Variants in AGO3 observed in about 807,000 individuals in gnomAD.
AGO3 encodes the protein protein argonaute-3.
Under a neutral mutation model 105.5 loss-of-function variants are expected in AGO3, and 16 were observed. That is an observed-to-expected ratio of 0.15 (90% CI 0.10 to 0.23). The LOEUF (loss-of-function observed/expected upper bound fraction) is 0.23. Among genes scored for constraint, AGO3 ranks in the 10% least tolerant of loss-of-function variants. The probability of loss-of-function intolerance (pLI) is 1.00; values close to 1 mark genes in which losing one functional copy is unlikely to be tolerated. For synonymous variants in AGO3, 340 were observed against 367.3 expected (o/e 0.93, Z 0.85); for missense variants, 534 against 1,088.0 (o/e 0.49, Z 7.16).
At chr1:36,005,393 G>A (rs886391806) in intron 6 of AGO3, among the ~76,000 whole-genome samples, 3 of 152,110 alleles carry the variant, frequency 2.0e-5, no homozygotes, top group African/African-American at 7.2e-5. Flanking sequence ...CCAAGAGAGA[G>A]ATAGTCATTG....
At position 36,070,191 on chromosome 1, in the gene AGO3, G is replaced by A. The variant is rs969725342; in HGVS notation, c.*14446G>A. ...GATGGTTATTCCCTGTTTCTTGGCC[G>A]ATTTTTGGTACCTTTCTTTGAAGAA... is the stretch of plus-strand genomic sequence containing the variant. On this transcript the variant is annotated 3_prime_UTR_variant, in exon 19 of 19. Transcript: ENST00000373191. The A allele has an allele frequency of 2.6e-5, 4 of 152,152 alleles. No homozygotes were observed. Among genetic ancestry groups the A allele is most frequent in the Non-Finnish European group, 5.9e-5 (4 of 68,036 alleles). 9.4% of individuals were successfully genotyped at this position (152,152 alleles called of 1,614,324 possible).
intron 6 of AGO3, among the ~76,000 whole-genome samples, chr1:36,004,896 T>C (rs1640267381): frequency 3.3e-5 from 5 of 152,130 alleles, no homozygotes; most frequent in African/African-American, 9.6e-5. Context: ...TTTAGTCCTT[T>C]AAAAACGTAT....
intron 11 of AGO3, among the ~76,000 whole-genome samples, chr1:36,018,056 C>T (rs1190702818): frequency 6.6e-6 from 1 of 151,394 alleles, no homozygotes; most frequent in East Asian, 2.0e-4. Flanking sequence ...TCTCGGCTCA[C>T]TGCAGCCTCT....
In AGO3 at chr1:36,029,190, GTTA is replaced by G. The variant is rs369188345; in HGVS notation, c.1591+1900_1591+1902del. ...ATATAGTAAACAGTCAATGTTAACTGTTATTATTATAAACAAAATTTTGTGAGA... is the reference window on the plus strand; with the variant it reads ...ATATAGTAAACAGTCAATGTTAACTGTTATTATAAACAAAATTTTGTGAGA... On this transcript the variant is annotated intron_variant, in intron 12 of 18. Transcript: ENST00000373191. Among the ~76,000 whole-genome samples the G allele has an allele frequency of 8.4e-4, 128 of 152,148 alleles. 3 individuals are homozygous for G. The South Asian group carries it at 0.024, about 29-fold the overall frequency.
At chr1:36,054,037 A>G (rs181900295) in intron 17 of AGO3, among the ~76,000 whole-genome samples, 19 of 151,910 alleles carry the variant, frequency 1.3e-4, no homozygotes, top group African/African-American at 4.6e-4. Flanking sequence ...AGGTCTTCCT[A>G]TGTTGCCTAG....
At position 36,008,571 on chromosome 1, in the gene AGO3, G is replaced by A; in HGVS notation, c.794-119G>A. The A allele has an allele frequency of 3.5e-6, 3 of 848,188 alleles. No homozygotes were observed. Among genetic ancestry groups the A allele is most frequent in the Non-Finnish European group, 5.5e-6 (3 of 544,748 alleles). The allele number at this position is 848,188 out of a possible 1,614,324, so 52.5% of individuals were successfully genotyped here. On this transcript the variant is annotated intron_variant, in intron 6 of 18. Transcript: ENST00000373191. The surrounding 1 kb of genome is among the most constrained non-coding windows in gnomAD (Gnocchi z 5.1). ...ATCTGGTGTTTATATCATCTTGCCT[G>A]TATCACAGAATTTTTTGTCTGTTCA...
In AGO3 at chr1:35,966,945, C is replaced by G. The variant is rs1557655811; in HGVS notation, c.192-10C>G. 6.3e-7 allele frequency: 1 copy of G among 1,597,362 alleles called. No homozygotes were observed. The highest frequency in any genetic ancestry group is 2.2e-5 in the East Asian group (1 of 44,590). On this transcript the variant is annotated splice_polypyrimidine_tract_variant and intron_variant, in intron 2 of 18. Transcript: ENST00000373191. ...GAGGATTATGTGAATATATTGTTTC[C>G]CTTCTTTAGGGAGGTGGTTGACTCA... is the stretch of plus-strand genomic sequence containing the variant.
rs71640848 is a variant in AGO3, at chr1:36,028,595, G to A, written c.1591+1297G>A. ...TGAACTCATCATTTTTTATGGCTGC[G>A]TAGTATTCCATGGTGTATATGTGCC... On this transcript the variant is annotated intron_variant, in intron 12 of 18. Transcript: ENST00000373191. Among the ~76,000 whole-genome samples, 128 of 150,910 alleles carry A rather than the reference G, an allele frequency of 8.5e-4. 1 individual carries two copies. Among genetic ancestry groups the A allele is most frequent in the East Asian group, 4.1e-3 (21 of 5,158 alleles).
intron 2 of AGO3, among the ~76,000 whole-genome samples, chr1:35,946,656 G>A (rs1163421574): frequency 6.6e-6 from 1 of 152,106 alleles, no homozygotes; most frequent in Non-Finnish European, 1.5e-5. Flanking sequence ...TTGTAATTTG[G>A]TAGAGGAAAT....
intron 12 of AGO3, among the ~76,000 whole-genome samples, chr1:36,032,129 A>G (rs1641808105): frequency 6.6e-6 from 1 of 152,174 alleles, no homozygotes; most frequent in Non-Finnish European, 1.5e-5. Context: ...AGGAACCTCC[A>G]CAGTGTTTTC....
chr1:35,981,767 T>A (rs1647057070), intron 5 of AGO3, among the ~76,000 whole-genome samples: 1 of 152,176 alleles, frequency 6.6e-6, no homozygotes, highest in African/African-American at 2.4e-5. Flanking sequence ...TTTCCTTACC[T>A]CCTTCTGAGA....
chr1:35,996,492 C>T (rs577317742), intron 5 of AGO3, among the ~76,000 whole-genome samples: 13 of 152,020 alleles, frequency 8.6e-5, no homozygotes, highest in South Asian at 2.1e-4. Flanking sequence ...TATGTGTGGT[C>T]GGGCACAGTG....
intron 17 of AGO3, among the ~76,000 whole-genome samples, chr1:36,053,811 C>A (rs189222683): frequency 3.0e-5 from 4 of 134,200 alleles, no homozygotes; most frequent in Non-Finnish European, 4.6e-5. Context: ...TGCAGTGGTG[C>A]GATCTCGGCT....
chr1:36,033,757 A>T (rs1040258202), intron 12 of AGO3, among the ~76,000 whole-genome samples: 1 of 152,162 alleles, frequency 6.6e-6, no homozygotes, highest in Non-Finnish European at 1.5e-5. Context: ...CTGAATTTTT[A>T]AATTAAAGAT....
At position 36,030,367 on chromosome 1, in the gene AGO3, G is replaced by A. The variant is rs1569866036; in HGVS notation, c.1591+3069G>A. ...AAAATAGAAAAATTAGCCAGGCATG[G>A]TAGTACACATCTGTGGTCCTAGCTA... On this transcript the variant is annotated intron_variant, in intron 12 of 18. Coordinates refer to ENST00000373191, the MANE Select transcript of AGO3 (RefSeq NM_024852.4). Among the ~76,000 whole-genome samples, 3 of 152,070 alleles carry A rather than the reference G, an allele frequency of 2.0e-5. No homozygotes were observed. The South Asian group carries it at 6.2e-4, about 32-fold the overall frequency.
chr1:36,000,770 AAT>A (rs201667153), intron 5 of AGO3, among the ~76,000 whole-genome samples: 1 of 150,598 alleles, frequency 6.6e-6, no homozygotes, highest in Non-Finnish European at 1.5e-5. Context: ...AGAAGAATAT[AAT>A]ATATATATAT....
intron 16 of AGO3, among the ~76,000 whole-genome samples, chr1:36,041,072 CA>C (rs35842002): frequency 0.031 from 1,042 of 33,230 alleles, 7 homozygotes; most frequent in African/African-American, 0.078. Flanking sequence ...AACTCCATCT[CA>C]AAAAAAAAAA....
chr1:35,981,781 C>A (rs1476139398), intron 5 of AGO3, among the ~76,000 whole-genome samples: 1 of 152,126 alleles, frequency 6.6e-6, no homozygotes, highest in Non-Finnish European at 1.5e-5. Flanking sequence ...TCTGAGAATC[C>A]CCCATTTAAT....
At chr1:36,049,211 G>T (rs1642599096) in intron 17 of AGO3, among the ~76,000 whole-genome samples, 1 of 152,060 alleles carries the variant, frequency 6.6e-6, no homozygotes, top group African/African-American at 2.4e-5. Flanking sequence ...AGGAGGGCAG[G>T]GGGGATGGGT....
Sources: allele counts gnomAD v4.1 joint callset (sites outside exome capture counted in the v4.1 genomes callset), GRCh38; gene constraint gnomAD v4.1.1; non-coding constraint Gnocchi (gnomAD v3.1); transcripts MANE v1.5; gene names NCBI Gene and HGNC (gene_info 2026-07-23, HGNC 2026-07-21).